Variants in RPSA observed in about 807,000 individuals in gnomAD.
RPSA encodes the protein ribosomal protein SA.
For synonymous variants in RPSA, 103 were observed against 126.7 expected (o/e 0.81, Z 1.25); for missense variants, 140 against 372.8 (o/e 0.38, Z 5.14).
In RPSA at chr3:39,408,816, C is replaced by G. The variant is rs796498039; in HGVS notation, c.252+92C>G. On this transcript the variant is annotated intron_variant, in intron 3 of 6. Transcript: ENST00000301821. ...AAGACATAAGAAAACAGAAATAACT[C>G]AGGCCGGGCGCGGTGGCTACGCCTG... 1.1e-4 allele frequency: 90 copies of G among 854,682 alleles called. No homozygotes were observed. The African/African-American group carries it at 1.2e-3, about 12-fold the overall frequency. The allele number at this position is 854,682 out of a possible 1,614,324, so 52.9% of individuals were successfully genotyped here.
At position 39,411,603 on chromosome 3, in the gene RPSA, G is replaced by C. The variant is rs200128969; in HGVS notation, c.499-46G>C. ...AGAGCCAGGAAGGTGCTTGCTGTTTGGGTTTGACCAAGTGTCACTTTTTAA... is the reference window on the plus strand; with the variant it reads ...AGAGCCAGGAAGGTGCTTGCTGTTTCGGTTTGACCAAGTGTCACTTTTTAA... On this transcript the variant is annotated intron_variant, in intron 4 of 6. Coordinates refer to ENST00000301821, the MANE Select transcript of RPSA (RefSeq NM_002295.6). 84 of 1,606,136 alleles carry C rather than the reference G, an allele frequency of 5.2e-5. 1 individual carries two copies. The East Asian group carries it at 6.0e-4, about 12-fold the overall frequency.
At position 39,411,952 on chromosome 3, in the gene RPSA, G is replaced by A. The variant is rs1467974913; in HGVS notation, c.684G>A (p.Gln228=). ...AEKAVTKEEF[Q]GEWTAPAPEF... is the part of the protein sequence containing the mutation. ...AGGCAGTGACCAAGGAGGAATTTCA[G>A]GGTGAATGGACTGCTCCCGCTCCTG... Residue 228 remains glutamine, a synonymous_variant, in exon 6 of 7, where the codon CAG becomes CAA. Coordinates refer to ENST00000301821, the MANE Select transcript of RPSA (RefSeq NM_002295.6). 1.2e-6 allele frequency: 2 copies of A among 1,600,168 alleles called. No homozygotes were observed. The highest frequency in any genetic ancestry group is 4.5e-5 in the East Asian group (2 of 44,890).
At chr3:39,407,849 C>T (rs1246461142) in intron 2 of RPSA, 63 bp downstream of exon 2, 11 of 1,389,362 alleles carry the variant, frequency 7.9e-6, no homozygotes, top group Admixed American at 1.8e-5. Context: ...GCTTGCTATT[C>T]TCGTGGTTAG....
In RPSA at chr3:39,411,971, G is replaced by A. The variant is rs17845059; in HGVS notation, c.703G>A (p.Ala235Thr). 2.5e-6 allele frequency: 4 copies of A among 1,601,570 alleles called. No homozygotes were observed. The highest frequency in any genetic ancestry group is 2.5e-6 in the Non-Finnish European group (3 of 1,179,922). Residue 235 changes from alanine to threonine, a missense_variant, in exon 6 of 7, where the codon GCT becomes ACT. By Grantham distance (58) the Ala-to-Thr change is moderately conservative. Coordinates refer to ENST00000301821, the MANE Select transcript of RPSA (RefSeq NM_002295.6). ...ATTTCAGGGTGAATGGACTGCTCCC[G>A]CTCCTGAGTTCACTGCTACTCAGCC... The part of the protein sequence containing the change: ...EEFQGEWTAP[A>T]PEFTATQPEV...
At chr3:39,411,873 C>A (rs749366606) in intron 5 of RPSA, 23 bp from the exon 6 acceptor site, 3 of 1,599,420 alleles carry the variant, frequency 1.9e-6, no homozygotes, top group Non-Finnish European at 2.5e-6. Context: ...GTAAGTCTTT[C>A]CTCTTTTTTT....
chr3:39,411,562 G>C (rs559844268), intron 4 of RPSA, 87 bp from the exon 5 acceptor site: 7 of 1,407,342 alleles, frequency 5.0e-6, no homozygotes, highest in Non-Finnish European at 5.9e-6. Context: ...TGTACTTTTG[G>C]TACCTAGATG....
At chr3:39,411,403 T>C in intron 4 of RPSA, 1 of 569,324 alleles carries the variant, frequency 1.8e-6, no homozygotes, top group Non-Finnish European at 3.1e-6. Flanking sequence ...GTAACCCTAG[T>C]TGTGCATAAG....
intron 4 of RPSA, 34 bp from the exon 5 acceptor site, chr3:39,411,615 G>T (rs1277112962): frequency 6.2e-7 from 1 of 1,608,870 alleles, no homozygotes; most frequent in African/African-American, 1.3e-5. Flanking sequence ...GTTTGACCAA[G>T]TGTCACTTTT....
At chr3:39,411,052 C>G (rs1255522006) in intron 4 of RPSA, 53 bp downstream of exon 4, 10 of 1,589,356 alleles carry the variant, frequency 6.3e-6, no homozygotes, top group Non-Finnish European at 8.5e-6. Context: ...AAAAAACATT[C>G]CTGTGCACAT....
chr3:39,409,184 CTTTTTT>C lies in RPSA; in HGVS notation c.252+478_252+483del, dbSNP rs71091746. On this transcript the variant is annotated intron_variant, in intron 3 of 6. Transcript: ENST00000301821. ...ATCGCCCTTATGACCTATGACCTTC[CTTTTTT>C]TTTTTTTTTTTTTTTTTCCTTCAAG... 4.8e-3 allele frequency among the ~76,000 whole-genome samples: 410 copies of C among 85,398 alleles called. 3 individuals are homozygous for C. The highest frequency in any genetic ancestry group is 0.012 in the African/African-American group (284 of 23,384). The allele number at this position is 85,398 out of a possible 152,430, so 56.0% of individuals were successfully genotyped here.
rs1273605031 is a variant in RPSA at position 39,411,690 on chromosome 3, G to A, written c.540G>A (p.Arg180=). ...SVGLMWWMLA[R]EVLRMRGTIS... ...GTTTGATGTGGTGGATGCTGGCTCG[G>A]GAAGTTCTGCGCATGCGTGGCACCA... The change falls in exon 5 of 7, where the codon CGG becomes CGA. Residue 180 remains arginine, a synonymous_variant. Transcript: ENST00000301821. 6.2e-7 allele frequency: 1 copy of A among 1,604,420 alleles called. No individual in the cohort carries two copies. The highest frequency in any genetic ancestry group is 1.3e-5 in the African/African-American group (1 of 75,008).
chr3:39,409,268 A>C (rs2041970103), intron 3 of RPSA, among the ~76,000 whole-genome samples: 1 of 127,970 alleles, frequency 7.8e-6, no homozygotes, highest in African/African-American at 2.9e-5. Context: ...GTGGTGTGAT[A>C]TCGGCTCATT....
chr3:39,406,858 C>T (rs1270565709), intron 1 of RPSA, 94 bp downstream of exon 1: 1 of 456,388 alleles, frequency 2.2e-6, no homozygotes, highest in South Asian at 1.5e-5. Flanking sequence ...TGATGAAAGC[C>T]GGTCAGACTG....
chr3:39,409,264 T>C (rs2041970021), intron 3 of RPSA, among the ~76,000 whole-genome samples: 1 of 138,412 alleles, frequency 7.2e-6, no homozygotes, highest in African/African-American at 2.6e-5. Context: ...TGCAGTGGTG[T>C]GATATCGGCT....
chr3:39,411,920 G>T lies in RPSA; in HGVS notation c.652G>T (p.Ala218Ser). 6.3e-7 allele frequency: 1 copy of T among 1,599,618 alleles called. No individual in the cohort carries two copies. Reference protein sequence around the residue: ...EEIEKEEQAAAEKAVTKEEFQ... With the variant: ...EEIEKEEQAASEKAVTKEEFQ... Reference sequence around the variant, plus strand: ...GATTGAAAAAGAAGAGCAGGCTGCTGCTGAGAAGGCAGTGACCAAGGAGGA... The same window carrying T: ...GATTGAAAAAGAAGAGCAGGCTGCTTCTGAGAAGGCAGTGACCAAGGAGGA... Residue 218 changes from alanine (A) to serine (S), a missense_variant, in exon 6 of 7, where the codon GCT (alanine) becomes TCT (serine). Coordinates refer to ENST00000301821, the MANE Select transcript of RPSA (RefSeq NM_002295.6).
intron 3 of RPSA, 22 bp downstream of exon 3, chr3:39,408,746 T>G: frequency 8.5e-7 from 1 of 1,179,556 alleles, no homozygotes; most frequent in South Asian, 1.2e-5. Context: ...AGTGGTTAGT[T>G]TTTATATTAT....
At position 39,412,249 on chromosome 3, in the gene RPSA, G is replaced by A. The variant is rs748896837; in HGVS notation, c.794-25G>A. On this transcript the variant is annotated intron_variant, in intron 6 of 6. Coordinates refer to ENST00000301821, the MANE Select transcript of RPSA (RefSeq NM_002295.6). ...TACTACATTGAGGACAGAGCTGATG[G>A]CTTTTTTTGGTATTCTCTTAACAGA... The A allele has an allele frequency of 2.3e-5, 36 of 1,573,928 alleles. No individual in the cohort carries two copies. In the African/African-American group the frequency reaches 4.2e-4, roughly 18 times the overall value.
chr3:39,412,095 A>G (rs2042014070), intron 6 of RPSA, 34 bp downstream of exon 6: 1 of 1,597,384 alleles, frequency 6.3e-7, no homozygotes, highest in South Asian at 1.1e-5. Context: ...TCAAGCTGAT[A>G]TTTTGCAACT....
At chr3:39,408,509 CTG>C (rs2041954868) in intron 2 of RPSA, 95 bp from the exon 3 acceptor site, 2 of 812,204 alleles carry the variant, frequency 2.5e-6, no homozygotes, top group African/African-American at 1.7e-5. Context: ...GCCTCTATGA[CTG>C]GAGTTTGGTA....
Sources: allele counts gnomAD v4.1 joint callset (sites outside exome capture counted in the v4.1 genomes callset), GRCh38; gene constraint gnomAD v4.1.1; transcripts MANE v1.5; gene names NCBI Gene and HGNC (gene_info 2026-07-23, HGNC 2026-07-21).